Variants in MATN2 observed in about 807,000 individuals in gnomAD.
The protein encoded by MATN2 is matrilin 2, also known as matrilin-2.
In MATN2, 69 loss-of-function variants were observed where a neutral mutation model predicts 103.2. The observed-to-expected ratio is 0.67, with a 90% confidence interval of 0.55 to 0.82. The LOEUF (loss-of-function observed/expected upper bound fraction) is 0.82, where lower values mean the gene tolerates loss of function less well. MATN2 is among the 40% of genes least tolerant of loss of function. The probability of loss-of-function intolerance (pLI) is 0.00; values close to 1 mark genes in which losing one functional copy is unlikely to be tolerated. For synonymous variants in MATN2, 429 were observed against 450.2 expected (o/e 0.95, Z 0.60); for missense variants, 1,023 against 1,211.5 (o/e 0.84, Z 2.31).
intron 1 of MATN2, among the ~76,000 whole-genome samples, chr8:97,870,504 G>C (rs1476785601): frequency 6.7e-6 from 1 of 149,460 alleles, no homozygotes; most frequent in Non-Finnish European, 1.5e-5. Flanking sequence ...GGCAACAAGA[G>C]CTAAACTCCG....
chr8:97,879,251 T>G (rs1317076319), intron 1 of MATN2, among the ~76,000 whole-genome samples: 4 of 152,094 alleles, frequency 2.6e-5, no homozygotes, highest in Non-Finnish European at 5.9e-5. Flanking sequence ...GAATGTAGAA[T>G]GTAGAAATTT....
At chr8:98,032,360 G>GA in intron 16 of MATN2, 43 bp downstream of exon 16, 12 of 1,465,370 alleles carry the variant, frequency 8.2e-6, no homozygotes, top group Non-Finnish European at 1.1e-5. Context: ...TTGGTGGAGG[G>GA]AACCATGGTT....
chr8:97,936,388 C>T (rs1563678336), intron 3 of MATN2, among the ~76,000 whole-genome samples: 1 of 152,202 alleles, frequency 6.6e-6, no homozygotes, highest in East Asian at 1.9e-4. Context: ...ATTTAAGGCC[C>T]TAATAGTATT....
At chr8:97,879,195 T>C (rs1818173254) in intron 1 of MATN2, among the ~76,000 whole-genome samples, 1 of 152,140 alleles carries the variant, frequency 6.6e-6, no homozygotes, top group Non-Finnish European at 1.5e-5. Context: ...TTTTACAGCA[T>C]GAGTGACATG....
chr8:97,932,727 G>A (rs534525668), intron 3 of MATN2, among the ~76,000 whole-genome samples: 7 of 152,112 alleles, frequency 4.6e-5, no homozygotes, highest in Non-Finnish European at 8.8e-5. Flanking sequence ...CAGGAAACTC[G>A]CATCCTGATT....
intron 4 of MATN2, among the ~76,000 whole-genome samples, chr8:97,942,948 C>T (rs527398758): frequency 6.6e-6 from 1 of 152,134 alleles, no homozygotes; most frequent in East Asian, 1.9e-4. Context: ...TTCTGTGTGG[C>T]CTGTGGAAAC....
chr8:97,945,672 T>G (rs1299930737), intron 4 of MATN2, among the ~76,000 whole-genome samples: 1 of 144,692 alleles, frequency 6.9e-6, no homozygotes, highest in Non-Finnish European at 1.5e-5. Flanking sequence ...CTTCAGCAAC[T>G]GCCTTCAAAT....
At position 97,978,706 on chromosome 8, in the gene MATN2, A is replaced by G. The variant is rs569623303; in HGVS notation, c.959-180A>G. ...TATCTTCCTATATGAATTGCCTGAT[A>G]TAGACTCCTGATTTTTTTTGAGGGG... On this transcript the variant is annotated intron_variant, in intron 5 of 18. Transcript: ENST00000254898. 2.0e-5 allele frequency among the ~76,000 whole-genome samples: 3 copies of G among 152,252 alleles called. No individual in the cohort carries two copies. The South Asian group carries it at 6.2e-4, about 32-fold the overall frequency.
chr8:97,973,293 C>G (rs913033716), intron 5 of MATN2, among the ~76,000 whole-genome samples: 1 of 152,136 alleles, frequency 6.6e-6, no homozygotes, highest in Non-Finnish European at 1.5e-5. Flanking sequence ...CACATCCTCC[C>G]CCTTAGTTCC....
chr8:98,016,695 A>G (rs377584973), intron 11 of MATN2, 33 bp downstream of exon 11: 595 of 1,602,364 alleles, frequency 3.7e-4, no homozygotes, highest in Non-Finnish European at 4.7e-4. Flanking sequence ...TCCTACTACT[A>G]TGCCAGACCA....
intron 1 of MATN2, among the ~76,000 whole-genome samples, chr8:97,871,098 C>T (rs909027556): frequency 3.3e-5 from 5 of 152,162 alleles, no homozygotes; most frequent in East Asian, 1.9e-4. Flanking sequence ...GAAACACCCT[C>T]GAGCAGCTGT....
At chr8:97,909,254 A>G (rs1390879469) in intron 2 of MATN2, among the ~76,000 whole-genome samples, 1 of 152,224 alleles carries the variant, frequency 6.6e-6, no homozygotes, top group Non-Finnish European at 1.5e-5. Context: ...TAAATCAAGT[A>G]TCAGTCTTAG....
chr8:97,988,311 C>G (rs1286306242), intron 6 of MATN2, among the ~76,000 whole-genome samples: 3 of 150,714 alleles, frequency 2.0e-5, no homozygotes, highest in Admixed American at 2.0e-4. Context: ...TTGAAAGACA[C>G]AAACTACTAA....
chr8:97,874,449 G>A (rs1433619727), intron 1 of MATN2, among the ~76,000 whole-genome samples: 4 of 149,534 alleles, frequency 2.7e-5, no homozygotes, highest in Non-Finnish European at 5.9e-5. Flanking sequence ...TCTGTCGCCC[G>A]GGCTATCATG....
chr8:97,869,199 G>A lies in MATN2; in HGVS notation c.-115G>A, dbSNP rs1817808277. The A allele has an allele frequency of 6.6e-6, 1 of 152,210 alleles. No individual in the cohort carries two copies. The highest frequency in any genetic ancestry group is 6.5e-5 in the Admixed American group (1 of 15,284). 9.4% of individuals were successfully genotyped at this position (152,210 alleles called of 1,614,324 possible). ...CTCCCACGAGCGATCCCCGAGGAGA[G>A]CCGCGGCCCTCGGCGAGGCGAAGAG... is the stretch of plus-strand genomic sequence containing the variant. On this transcript the variant is annotated 5_prime_UTR_variant, in exon 1 of 19. Transcript: ENST00000254898.
At chr8:97,988,691 T>G (rs1812286316) in intron 6 of MATN2, among the ~76,000 whole-genome samples, 1 of 152,126 alleles carries the variant, frequency 6.6e-6, no homozygotes, top group East Asian at 1.9e-4. Context: ...AAATGGAATT[T>G]GCACTTTAAA....
At chr8:97,940,504 A>T (rs546759989) in intron 3 of MATN2, among the ~76,000 whole-genome samples, 1 of 151,790 alleles carries the variant, frequency 6.6e-6, no homozygotes, top group South Asian at 2.1e-4. Flanking sequence ...AAACAGCTTT[A>T]CTTCCCTAGT....
At chr8:98,000,487 C>G (rs555605097) in intron 7 of MATN2, among the ~76,000 whole-genome samples, 1 of 151,096 alleles carries the variant, frequency 6.6e-6, no homozygotes, top group Non-Finnish European at 1.5e-5. Flanking sequence ...GTCCCAGCTA[C>G]TCAGGAGGCT....
intron 5 of MATN2, among the ~76,000 whole-genome samples, chr8:97,975,433 G>T (rs1811804355): frequency 6.6e-6 from 1 of 152,330 alleles, no homozygotes; most frequent in African/African-American, 2.4e-5. Flanking sequence ...AAATTACGGG[G>T]CCAGCATAAT....
Sources: gnomAD v4.1 joint callset for allele counts (sites outside exome capture counted in the v4.1 genomes callset) on GRCh38, gnomAD v4.1.1 for gene constraint, MANE v1.5 for transcripts, NCBI Gene and HGNC (gene_info 2026-07-23, HGNC 2026-07-21) for gene names.